Variants in SDK2 observed in about 807,000 individuals in gnomAD.
SDK2 encodes the protein protein sidekick-2.
SDK2 carries 105 observed loss-of-function variants against 253.9 expected under a neutral mutation model. The observed-to-expected ratio is 0.41, with a 90% CI of 0.35 to 0.49. SDK2 has a LOEUF of 0.49. SDK2 is among the 20% of genes least tolerant of loss of function. The pLI is 0.06. For synonymous variants in SDK2, 1,249 were observed against 1,234.9 expected (o/e 1.01, Z -0.24); for missense variants, 2,608 against 3,003.0 (o/e 0.87, Z 3.07).
Position 73,643,313 on chromosome 17 carries a change from C to CGGAGGCT in SDK2, c.64+705_64+711dup, listed in dbSNP as rs1357691873. Among the ~76,000 whole-genome samples, 9 of 152,176 alleles carry CGGAGGCT rather than the reference C, an allele frequency of 5.9e-5. No homozygotes were observed. Among genetic ancestry groups the CGGAGGCT allele is most frequent in the African/African-American group, 1.9e-4 (8 of 41,468 alleles). On this transcript the variant is annotated intron_variant, in intron 1 of 44. Transcript: ENST00000392650. This position sits in a 1 kb window ranked among gnomAD's most constrained non-coding sequence, Gnocchi z 6.9. The stretch of plus-strand genomic sequence containing the variant: ...GCTGCACAGACTATCGAGCGAACAG[C>CGGAGGCT]GGAGGCTGGAGGCAGGGGCGGGGAT...
At chr17:73,572,874 A>G (rs1296536694) in intron 1 of SDK2, among the ~76,000 whole-genome samples, 1 of 152,152 alleles carries the variant, frequency 6.6e-6, no homozygotes, top group Non-Finnish European at 1.5e-5. Flanking sequence ...CATCTGAGAT[A>G]CTTCCTCCCG....
In SDK2 at chr17:73,392,414, G is replaced by A. The variant is rs566227595; in HGVS notation, c.3899-876C>T. On this transcript the variant is annotated intron_variant, in intron 27 of 44. Transcript: ENST00000392650. ...CCTCCCAGTAGCTGAGACTACAGGC[G>A]TGTGCCACCACACCCGGCTAATTTT... is the stretch of plus-strand genomic sequence containing the variant. Among the ~76,000 whole-genome samples the A allele has an allele frequency of 2.1e-3, 314 of 152,172 alleles. 2 individuals carry two copies. The highest frequency in any genetic ancestry group is 3.0e-3 in the Non-Finnish European group (204 of 68,006).
At chr17:73,525,655 C>T (rs1274781591) in intron 1 of SDK2, among the ~76,000 whole-genome samples, 2 of 152,138 alleles carry the variant, frequency 1.3e-5, no homozygotes, top group Non-Finnish European at 2.9e-5. Flanking sequence ...GGCATCAGAA[C>T]CTTCTCTCCA....
Position 73,361,803 on chromosome 17 carries a change from G to C in SDK2, c.5348C>G (p.Pro1783Arg). The change falls in exon 39 of 45, where the codon CCC becomes CGC. Residue 1783 changes from proline to arginine, a missense_variant. This residue lies in a region of SDK2 where 1,103 missense variants were observed against 1,143.9 expected (regional missense o/e 0.96). Transcript: ENST00000392650. This position sits in a 1 kb window ranked among gnomAD's most constrained non-coding sequence, Gnocchi z 4.1. ...CAGGTCCTTCACCTTCAGCCACAGGGGGCTGTTCCCCTTCACGTCCACGGT... is the reference window on the plus strand; with the variant it reads ...CAGGTCCTTCACCTTCAGCCACAGGCGGCTGTTCCCCTTCACGTCCACGGT... ...IVTVDVKGNS[P>R]LWLKVKDLAE... The C allele has an allele frequency of 1.2e-6, 2 of 1,608,128 alleles. No individual in the cohort carries two copies. Among genetic ancestry groups the C allele is most frequent in the Admixed American group, 1.7e-5 (1 of 59,140 alleles).
intron 12 of SDK2, among the ~76,000 whole-genome samples, chr17:73,429,165 T>A (rs1202531614): frequency 6.6e-6 from 1 of 152,190 alleles, no homozygotes; most frequent in African/African-American, 2.4e-5. Flanking sequence ...ATTTCCCTAT[T>A]AATGAATGCT....
intron 1 of SDK2, among the ~76,000 whole-genome samples, chr17:73,515,516 A>C (rs2064018642): frequency 2.6e-5 from 4 of 152,226 alleles, no homozygotes; most frequent in Admixed American, 2.6e-4. Context: ...CCCAGAAGAG[A>C]CTGGTCCGCC....
chr17:73,355,174 A>ATATATGTATTTTTTTTTTTT, intron 40 of SDK2, among the ~76,000 whole-genome samples: 1 of 47,224 alleles, frequency 2.1e-5, no homozygotes, highest in Non-Finnish European at 3.4e-5. Context: ...ATATATATAT[A>ATATATGTATTTTTTTTTTTT]TTTTTTTTTT....
At chr17:73,531,570 CT>C (rs2064169339) in intron 1 of SDK2, among the ~76,000 whole-genome samples, 1 of 152,220 alleles carries the variant, frequency 6.6e-6, no homozygotes, top group African/African-American at 2.4e-5. Flanking sequence ...CAAGCCACCC[CT>C]GCCCCATCTC....
At chr17:73,463,599 T>G (rs564496921) in intron 3 of SDK2, among the ~76,000 whole-genome samples, 175 of 152,306 alleles carry the variant, frequency 1.1e-3, no homozygotes, top group Non-Finnish European at 1.7e-3. Flanking sequence ...TCCTTTCACG[T>G]TTCCTTACCT....
chr17:73,593,015 C>T (rs372635171), intron 1 of SDK2, among the ~76,000 whole-genome samples: 3 of 126,754 alleles, frequency 2.4e-5, no homozygotes, highest in African/African-American at 5.9e-5. Flanking sequence ...GGAGTTCAGC[C>T]GGTCCAGCCA....
intron 1 of SDK2, among the ~76,000 whole-genome samples, chr17:73,601,266 C>T (rs2045836054): frequency 1.3e-5 from 2 of 151,824 alleles, no homozygotes; most frequent in South Asian, 2.1e-4. Flanking sequence ...GTGATCCACC[C>T]GCCTCGGCCT....
In SDK2 at chr17:73,644,360, C is replaced by T. The variant is rs1047815595; in HGVS notation, c.-272G>A. On this transcript the variant is annotated 5_prime_UTR_variant, in exon 1 of 45. Transcript: ENST00000392650. This position sits in a 1 kb window ranked among gnomAD's most constrained non-coding sequence, Gnocchi z 6.3. Reference sequence around the variant, plus strand: ...AGGCCGCCCTCTCGGACTAGGGCGCCTCTCTCCCTTAGCACCCCAACTCCG... The same window carrying T: ...AGGCCGCCCTCTCGGACTAGGGCGCTTCTCTCCCTTAGCACCCCAACTCCG... Among the ~76,000 whole-genome samples the T allele has an allele frequency of 2.0e-5, 3 of 152,294 alleles. No individual in the cohort carries two copies. The highest frequency in any genetic ancestry group is 3.4e-3 in the Middle Eastern group (1 of 294).
intron 2 of SDK2, among the ~76,000 whole-genome samples, chr17:73,489,454 C>T (rs1000609482): frequency 2.0e-5 from 3 of 152,136 alleles, no homozygotes; most frequent in Non-Finnish European, 2.9e-5. Flanking sequence ...GAGGGGGGTA[C>T]CAGGCAGGGA....
intron 1 of SDK2, among the ~76,000 whole-genome samples, chr17:73,626,033 G>A (rs991006596): frequency 1.3e-5 from 2 of 151,908 alleles, no homozygotes; most frequent in Non-Finnish European, 2.9e-5. Context: ...CCCCCTTTCC[G>A]AGCTGCTCCT....
intron 44 of SDK2, among the ~76,000 whole-genome samples, chr17:73,341,842 A>G (rs902297670): frequency 6.6e-6 from 1 of 152,190 alleles, no homozygotes; most frequent in Non-Finnish European, 1.5e-5. Context: ...TGAAACGCTG[A>G]CATGCATAAC....
chr17:73,615,609 G>A (rs1391518404), intron 1 of SDK2, among the ~76,000 whole-genome samples: 2 of 152,026 alleles, frequency 1.3e-5, no homozygotes, highest in South Asian at 4.1e-4. Flanking sequence ...TCCACCACAC[G>A]TGACCCCAGG....
chr17:73,355,174 A>ATATATATTTTTTTTTT, intron 40 of SDK2, among the ~76,000 whole-genome samples: 1 of 47,226 alleles, frequency 2.1e-5, no homozygotes, highest in East Asian at 8.4e-4. Flanking sequence ...ATATATATAT[A>ATATATATTTTTTTTTT]TTTTTTTTTT....
At chr17:73,594,963 C>G (rs2045734776) in intron 1 of SDK2, among the ~76,000 whole-genome samples, 1 of 152,176 alleles carries the variant, frequency 6.6e-6, no homozygotes, top group East Asian at 1.9e-4. Flanking sequence ...ACAGGCCTCA[C>G]TACCTGCCTG....
chr17:73,597,723 G>A (rs903124339), intron 1 of SDK2, among the ~76,000 whole-genome samples: 3 of 150,948 alleles, frequency 2.0e-5, no homozygotes, highest in African/African-American at 7.3e-5. Flanking sequence ...TCAGCTCACT[G>A]CAAGCTCCGC....
Sources: gnomAD v4.1 joint callset for allele counts (sites outside exome capture counted in the v4.1 genomes callset) on GRCh38, gnomAD v4.1.1 for gene constraint, gnomAD v4.1.1 regional missense constraint, Gnocchi (gnomAD v3.1) non-coding constraint, MANE v1.5 for transcripts, NCBI Gene and HGNC (gene_info 2026-07-23, HGNC 2026-07-21) for gene names.